TRPM3: variants seen among roughly 807,000 people sequenced by gnomAD.
TRPM3 encodes transient receptor potential cation channel subfamily M member 3, also known as long transient receptor potential channel 3.
Under a neutral mutation model 181.2 loss-of-function variants are expected in TRPM3, and 77 were observed. The observed-to-expected ratio is 0.42, with a 90% CI of 0.35 to 0.51. TRPM3 has a LOEUF of 0.51. TRPM3 is among the 20% of genes least tolerant of loss of function. TRPM3 has a pLI of 0.01. For synonymous variants in TRPM3, 745 were observed against 796.4 expected (o/e 0.94, Z 1.09); for missense variants, 1,759 against 2,196.7 (o/e 0.80, Z 3.98).
At chr9:71,404,362 A>G (rs551693439) in intron 1 of TRPM3, among the ~76,000 whole-genome samples, 4 of 152,332 alleles carry the variant, frequency 2.6e-5, no homozygotes, top group South Asian at 2.1e-4. Flanking sequence ...AATCAGATGC[A>G]TTTCCACCTG....
chr9:71,031,847 C>T (rs1332329207), intron 1 of TRPM3, among the ~76,000 whole-genome samples: 4 of 145,992 alleles, frequency 2.7e-5, no homozygotes, highest in Non-Finnish European at 6.0e-5. Flanking sequence ...TACTTATTGT[C>T]CTAGAGGGAA....
At chr9:70,602,181 G>C (rs1444919278) in intron 20 of TRPM3, among the ~76,000 whole-genome samples, 1 of 148,152 alleles carries the variant, frequency 6.7e-6, no homozygotes, top group African/African-American at 2.5e-5. Context: ...TCTCAGGATG[G>C]GGAGATGGTA....
At chr9:70,939,507 T>C (rs1391576639) in intron 1 of TRPM3, among the ~76,000 whole-genome samples, 1 of 152,220 alleles carries the variant, frequency 6.6e-6, no homozygotes, top group African/African-American at 2.4e-5. Context: ...AGATTTACCT[T>C]AATGCTTCAA....
chr9:71,046,490 A>C (rs1481584791), intron 1 of TRPM3, among the ~76,000 whole-genome samples: 1 of 152,232 alleles, frequency 6.6e-6, no homozygotes, highest in Non-Finnish European at 1.5e-5. Context: ...TAAAGTATCA[A>C]GGGAAAGGGC....
intron 1 of TRPM3, among the ~76,000 whole-genome samples, chr9:71,238,997 T>G (rs963569761): frequency 3.9e-5 from 6 of 152,090 alleles, no homozygotes. Context: ...ATTCCAAAGG[T>G]GCACATGACT....
chr9:70,665,049 A>G (rs1432554760), intron 9 of TRPM3, among the ~76,000 whole-genome samples: 2 of 152,204 alleles, frequency 1.3e-5, no homozygotes, highest in African/African-American at 4.8e-5. Flanking sequence ...ATAGAATTGT[A>G]GCACCTGTCC....
intron 1 of TRPM3, among the ~76,000 whole-genome samples, chr9:71,135,161 T>C (rs926545768): frequency 7.2e-5 from 11 of 152,232 alleles, no homozygotes; most frequent in African/African-American, 2.7e-4. Flanking sequence ...ATGCTCATAA[T>C]GTCATCTTCC....
chr9:71,202,247 G>T (rs558946402), intron 1 of TRPM3, among the ~76,000 whole-genome samples: 57 of 152,278 alleles, frequency 3.7e-4, no homozygotes, highest in Non-Finnish European at 7.1e-4. Flanking sequence ...CTACCGGGGG[G>T]TGCCTCCCAG....
intron 8 of TRPM3, among the ~76,000 whole-genome samples, chr9:70,756,540 A>T (rs1314713422): frequency 6.6e-6 from 1 of 151,910 alleles, no homozygotes; most frequent in East Asian, 1.9e-4. Flanking sequence ...CAGAATGTAC[A>T]TTCTTCTCAG....
At chr9:71,316,342 A>G (rs2088589660) in intron 1 of TRPM3, among the ~76,000 whole-genome samples, 2 of 152,134 alleles carry the variant, frequency 1.3e-5, no homozygotes, top group Non-Finnish European at 2.9e-5. Flanking sequence ...CTGTTCTAGT[A>G]TTTTACCCAA....
intron 1 of TRPM3, among the ~76,000 whole-genome samples, chr9:70,919,784 CAAAAAAA>C (rs34469005): frequency 7.7e-6 from 1 of 130,712 alleles, no homozygotes; most frequent in African/African-American, 2.9e-5. Flanking sequence ...AACTCCATTT[CAAAAAAA>C]AAAAAAAAAT....
At chr9:71,034,574 C>A (rs2057950991) in intron 1 of TRPM3, among the ~76,000 whole-genome samples, 1 of 151,780 alleles carries the variant, frequency 6.6e-6, no homozygotes, top group South Asian at 2.1e-4. Context: ...AAATGATATA[C>A]TTGGGGGTGG....
At chr9:70,682,074 T>C (rs1392056149) in intron 8 of TRPM3, among the ~76,000 whole-genome samples, 99 of 152,170 alleles carry the variant, frequency 6.5e-4, no homozygotes, top group Admixed American at 6.5e-3. Context: ...TCCAGAACTG[T>C]ATGAAATAAA....
intron 1 of TRPM3, among the ~76,000 whole-genome samples, chr9:71,306,764 C>T (rs935440710): frequency 2.0e-5 from 3 of 152,146 alleles, no homozygotes; most frequent in African/African-American, 7.2e-5. Context: ...GTCCCAGCTA[C>T]TCAGGAGACT....
chr9:71,369,421 G>T (rs932776289), intron 1 of TRPM3, among the ~76,000 whole-genome samples: 1 of 152,164 alleles, frequency 6.6e-6, no homozygotes, highest in Admixed American at 6.5e-5. Flanking sequence ...TAGAGATACT[G>T]AACAAAAATA....
intron 1 of TRPM3, among the ~76,000 whole-genome samples, chr9:71,120,413 C>G (rs943147342): frequency 2.6e-5 from 4 of 152,130 alleles, no homozygotes; most frequent in African/African-American, 9.7e-5. Flanking sequence ...TGGATTAGTA[C>G]AGAGTTGTAT....
chr9:71,111,624 A>G (rs913895939), intron 1 of TRPM3, among the ~76,000 whole-genome samples: 1 of 152,172 alleles, frequency 6.6e-6, no homozygotes, highest in Non-Finnish European at 1.5e-5. Context: ...TCCTGTTTTA[A>G]CGAAACATCA....
At chr9:70,865,945 C>A (rs2095641540) in intron 1 of TRPM3, among the ~76,000 whole-genome samples, 1 of 152,104 alleles carries the variant, frequency 6.6e-6, no homozygotes, top group Non-Finnish European at 1.5e-5. Flanking sequence ...ACAAAGGTAA[C>A]ATTTGCAGTT....
At chr9:70,951,148 A>G (rs2096993793) in intron 1 of TRPM3, among the ~76,000 whole-genome samples, 1 of 152,202 alleles carries the variant, frequency 6.6e-6, no homozygotes, top group Non-Finnish European at 1.5e-5. Flanking sequence ...ATATAAATTC[A>G]TACTTAAAAT....
Sources: allele counts gnomAD v4.1 joint callset (sites outside exome capture counted in the v4.1 genomes callset), GRCh38; gene constraint gnomAD v4.1.1; transcripts MANE v1.5; gene names NCBI Gene and HGNC (gene_info 2026-07-23, HGNC 2026-07-21).